ANGPTL2: variants seen among roughly 807,000 people sequenced by gnomAD.
The protein encoded by ANGPTL2 is angiopoietin like 2.
A neutral mutation model predicts 52.8 loss-of-function variants in ANGPTL2; 25 were observed. The observed-to-expected ratio is 0.47, with a 90% confidence interval of 0.35 to 0.66. ANGPTL2 has a LOEUF of 0.66. Ranked by LOEUF, ANGPTL2 falls within the 30% of genes least tolerant of loss-of-function variation. The pLI, the probability that ANGPTL2 is intolerant of heterozygous loss-of-function variation, is 0.01. For synonymous variants in ANGPTL2, 276 were observed against 277.4 expected (o/e 1.00, Z 0.05); for missense variants, 546 against 656.9 (o/e 0.83, Z 1.84).
intron 2 of ANGPTL2, among the ~76,000 whole-genome samples, chr9:127,095,379 C>T (rs140743872): frequency 3.0e-3 from 462 of 152,300 alleles, no homozygotes; most frequent in Non-Finnish European, 5.7e-3. Context: ...GCCTGAGTGG[C>T]AGAGCAAGAC....
At chr9:127,096,623 C>G (rs2053171422) in intron 2 of ANGPTL2, among the ~76,000 whole-genome samples, 4 of 152,290 alleles carry the variant, frequency 2.6e-5, no homozygotes, top group South Asian at 4.2e-4. Flanking sequence ...GCATTTCCAC[C>G]AAGGGCTCTT....
intron 2 of ANGPTL2, 50 bp downstream of exon 2, chr9:127,107,865 T>G: frequency 6.7e-7 from 1 of 1,496,792 alleles, no homozygotes; most frequent in Non-Finnish European, 8.9e-7. Flanking sequence ...AAGGGAAGCC[T>G]GGTGCCTGGC....
At chr9:127,093,679 T>C in intron 3 of ANGPTL2, 54 bp downstream of exon 3, 3 of 1,598,420 alleles carry the variant, frequency 1.9e-6, no homozygotes, top group Admixed American at 3.4e-5. Flanking sequence ...AGGCCTCTCT[T>C]GGGGTGGGCC....
Position 127,122,250 on chromosome 9 carries a change from C to G in ANGPTL2, c.-50+65G>C, listed in dbSNP as rs930997538. 1 of 152,330 alleles carries G rather than the reference C, an allele frequency of 6.6e-6. No individual in the cohort carries two copies. Among genetic ancestry groups the G allele is most frequent in the African/African-American group, 2.4e-5 (1 of 41,462 alleles). The allele number at this position is 152,330 out of a possible 1,614,324, so 9.4% of individuals were successfully genotyped here. ...CTGGAGGGTCAGGGTTCTGGAAGCCCTAGCCACGGGGCCAGCGGCTGCCTC... is the reference window on the plus strand; with the variant it reads ...CTGGAGGGTCAGGGTTCTGGAAGCCGTAGCCACGGGGCCAGCGGCTGCCTC... On this transcript the variant is annotated intron_variant, in intron 1 of 4. Transcript: ENST00000373425. The surrounding 1 kb of genome is among the most constrained non-coding windows in gnomAD (Gnocchi z 6.4).
intron 1 of ANGPTL2, among the ~76,000 whole-genome samples, chr9:127,113,540 G>A (rs780167416): frequency 3.6e-5 from 5 of 139,170 alleles, no homozygotes; most frequent in African/African-American, 5.5e-5. Context: ...TCTTAGGACT[G>A]AAGAAGAACT....
At chr9:127,090,669 G>A (rs921651207) in intron 4 of ANGPTL2, among the ~76,000 whole-genome samples, 28 of 152,224 alleles carry the variant, frequency 1.8e-4, no homozygotes, top group African/African-American at 6.8e-4. Context: ...CTTCTCAAGT[G>A]GGAGGGAGTA....
chr9:127,089,140 T>G lies in ANGPTL2; in HGVS notation c.1283-2A>C, dbSNP rs2052138049. 6.2e-7 allele frequency: 1 copy of G among 1,614,042 alleles called. No individual in the cohort carries two copies. Among genetic ancestry groups the G allele is most frequent in the Admixed American group, 1.7e-5 (1 of 60,004 alleles). On this transcript the variant is annotated splice_acceptor_variant, in intron 4 of 4. Transcript: ENST00000373425. LOFTEE classifies it high-confidence loss of function. ...CCTTCTGGTAGTGGGCACAGTTTCC[T>G]GCAAGAGAGAAGGCAGTGAGAGGGT... is the stretch of plus-strand genomic sequence containing the variant.
At position 127,093,718 on chromosome 9, in the gene ANGPTL2, C is replaced by T; in HGVS notation, c.1011+15G>A. The stretch of plus-strand genomic sequence containing the variant: ...CACCTTGTGGGCAGCACAGACATCC[C>T]CTGCCGAGTCTCACCTTGTACGTCT... On this transcript the variant is annotated intron_variant, in intron 3 of 4. Transcript: ENST00000373425. The T allele has an allele frequency of 6.2e-7, 1 of 1,613,288 alleles. No homozygotes were observed. The highest frequency in any genetic ancestry group is 1.1e-5 in the South Asian group (1 of 90,948).
intron 2 of ANGPTL2, 58 bp from the exon 3 acceptor site, chr9:127,093,984 C>T: frequency 1.9e-6 from 3 of 1,568,328 alleles, no homozygotes; most frequent in South Asian, 1.1e-5. Context: ...GCCGCACCCC[C>T]AGCTGCACCC....
chr9:127,090,445 GC>G (rs2052332181), intron 4 of ANGPTL2, among the ~76,000 whole-genome samples: 1 of 152,222 alleles, frequency 6.6e-6, no homozygotes, highest in South Asian at 2.1e-4. Context: ...GCCCCTTCGG[GC>G]CAGGCCAGTT....
intron 2 of ANGPTL2, 50 bp from the exon 3 acceptor site, chr9:127,093,976 CGCACCCCCAGCT>C (rs1230120741): frequency 7.0e-6 from 11 of 1,578,848 alleles, no homozygotes; most frequent in Non-Finnish European, 9.5e-6. Flanking sequence ...GTCACCAGGC[CGCACCCCCAGCT>C]GCACCCCAAG....
At chr9:127,120,396 C>T in intron 1 of ANGPTL2, among the ~76,000 whole-genome samples, 1 of 152,190 alleles carries the variant, frequency 6.6e-6, no homozygotes, top group East Asian at 1.9e-4. Context: ...ACCCAAACCC[C>T]AGACATAAAG....
chr9:127,098,678 C>G (rs865905891), intron 2 of ANGPTL2, among the ~76,000 whole-genome samples: 3 of 152,170 alleles, frequency 2.0e-5, no homozygotes, highest in Admixed American at 6.5e-5. Context: ...TTCCTCCTCT[C>G]TGGGGTTCTT....
At position 127,103,472 on chromosome 9, in the gene ANGPTL2, G is replaced by A. The variant is rs2053929283; in HGVS notation, c.817+4443C>T. ...ATCAGAACTTCACACTTAGCTATAT[G>A]TTGAAAGACTTAGCTATACATTGAA... On this transcript the variant is annotated intron_variant, in intron 2 of 4. Coordinates refer to ENST00000373425, the MANE Select transcript of ANGPTL2 (RefSeq NM_012098.3). Among the ~76,000 whole-genome samples, 3 of 152,352 alleles carry A rather than the reference G, an allele frequency of 2.0e-5. No individual in the cohort carries two copies. In the South Asian group the frequency reaches 6.2e-4, roughly 32 times the overall value.
In ANGPTL2 at chr9:127,108,793, A is replaced by G; in HGVS notation, c.-49-13T>C. 2 of 1,503,072 alleles carry G rather than the reference A, an allele frequency of 1.3e-6. No individual in the cohort carries two copies. The highest frequency in any genetic ancestry group is 1.8e-6 in the Non-Finnish European group (2 of 1,118,848). 93.1% of individuals were successfully genotyped at this position (1,503,072 alleles called of 1,614,324 possible). On this transcript the variant is annotated splice_polypyrimidine_tract_variant and intron_variant, in intron 1 of 4. Transcript: ENST00000373425. ...AATCTATGAAAGCCTGAAAGTAAACAGAGGGGAGAATCAGTGATGGTCCCA... is the reference window on the plus strand; with the variant it reads ...AATCTATGAAAGCCTGAAAGTAAACGGAGGGGAGAATCAGTGATGGTCCCA...
At chr9:127,105,765 C>T (rs113386290) in intron 2 of ANGPTL2, among the ~76,000 whole-genome samples, 3 of 152,178 alleles carry the variant, frequency 2.0e-5, no homozygotes, top group Non-Finnish European at 2.9e-5. Context: ...GGGCATTGGA[C>T]GGATCCCAGA....
chr9:127,113,431 A>T (rs1395504370), intron 1 of ANGPTL2, among the ~76,000 whole-genome samples: 1 of 147,262 alleles, frequency 6.8e-6, no homozygotes, highest in Non-Finnish European at 1.5e-5. Flanking sequence ...CTTAATGGGC[A>T]GTAATAAGTT....
intron 1 of ANGPTL2, among the ~76,000 whole-genome samples, chr9:127,114,792 C>T (rs890618891): frequency 6.6e-6 from 1 of 152,230 alleles, no homozygotes; most frequent in Admixed American, 6.5e-5. Context: ...TGGCCCCTGA[C>T]GTCGGGGTTC....
rs1401526697 is a variant in ANGPTL2, at chr9:127,108,673, A to G, written c.59T>C (p.Val20Ala). The G allele has an allele frequency of 4.3e-6, 7 of 1,613,444 alleles. No individual in the cohort carries two copies. Among genetic ancestry groups the G allele is most frequent in the East Asian group, 4.5e-5 (2 of 44,842 alleles). Reference sequence around the variant, plus strand: ...CTCAAAACCGTCCTCCTGGCCTGCAACAGCTCCCATGGCAGCCAGCAGTCC... The same window carrying G: ...CTCAAAACCGTCCTCCTGGCCTGCAGCAGCTCCCATGGCAGCCAGCAGTCC... ...WLGLLAAMGA[V>A]AGQEDGFEGT... The change falls in exon 2 of 5, where the codon GTT (valine) becomes GCT (alanine). Residue 20 changes from valine to alanine, a missense_variant. Coordinates refer to ENST00000373425, the MANE Select transcript of ANGPTL2 (RefSeq NM_012098.3).
Sources: gnomAD v4.1 joint callset for allele counts (sites outside exome capture counted in the v4.1 genomes callset) on GRCh38, gnomAD v4.1.1 for gene constraint, Gnocchi (gnomAD v3.1) non-coding constraint, MANE v1.5 for transcripts, NCBI Gene and HGNC (gene_info 2026-07-23, HGNC 2026-07-21) for gene names.